The following ZSWIM3 variants were observed in gnomAD, a reference collection of about 807,000 sequenced individuals.
ZSWIM3 encodes zinc finger SWIM domain-containing protein 3.
Under a neutral mutation model 47.5 loss-of-function variants are expected in ZSWIM3, and 27 were observed. The ratio of observed to expected loss-of-function variants is 0.57; its 90% confidence interval spans 0.42 to 0.78. ZSWIM3 has a LOEUF of 0.78. Ranked by LOEUF, ZSWIM3 falls within the 30% of genes least tolerant of loss-of-function variation. ZSWIM3 has a pLI of 0.00. For synonymous variants in ZSWIM3, 333 were observed against 333.9 expected (o/e 1.00, Z 0.03); for missense variants, 689 against 861.3 (o/e 0.80, Z 2.50).
intron 1 of ZSWIM3, among the ~76,000 whole-genome samples, chr20:45,864,778 T>C (rs897945660): frequency 6.6e-6 from 1 of 152,128 alleles, no homozygotes; most frequent in African/African-American, 2.4e-5. Flanking sequence ...GGAGGATCCC[T>C]TGAACCCGAG....
At chr20:45,873,442 A>G (rs1986022141) in intron 1 of ZSWIM3, among the ~76,000 whole-genome samples, 1 of 152,170 alleles carries the variant, frequency 6.6e-6, no homozygotes, top group South Asian at 2.1e-4. Flanking sequence ...ATTGTGTTAG[A>G]GGCTTGGACT....
intron 1 of ZSWIM3, among the ~76,000 whole-genome samples, chr20:45,874,662 G>A (rs1320071662): frequency 6.6e-6 from 1 of 152,188 alleles, no homozygotes; most frequent in Non-Finnish European, 1.5e-5. Flanking sequence ...ATCTGGAGAA[G>A]GAAGAGACAG....
At chr20:45,867,265 C>G (rs529042330) in intron 1 of ZSWIM3, among the ~76,000 whole-genome samples, 7 of 152,046 alleles carry the variant, frequency 4.6e-5, no homozygotes, top group Non-Finnish European at 1.0e-4. Context: ...CCTCAGCCTC[C>G]CAAAGTTCTG....
chr20:45,867,083 T>C (rs1331449613), intron 1 of ZSWIM3, among the ~76,000 whole-genome samples: 1 of 146,970 alleles, frequency 6.8e-6, no homozygotes, highest in Non-Finnish European at 1.5e-5. Context: ...CTCTGCTCAC[T>C]GCAACCTCCG....
Position 45,857,868 on chromosome 20 carries a change from G to C in ZSWIM3, c.43G>C (p.Glu15Gln). Residue 15 changes from glutamate (E) to glutamine (Q), a missense_variant, in exon 1 of 2, where the codon GAG (glutamate) becomes CAG (glutamine). Glu to Gln is a conservative substitution (Grantham distance 29). Coordinates refer to ENST00000255152, the MANE Select transcript of ZSWIM3 (RefSeq NM_080752.4). ...SCFKTYEDFK[E>Q]CFSAYKRENR... ...CTTCAAGACCTATGAGGACTTCAAGGAGTGCTTCAGCGCCTACAAAAGGGA... is the reference window on the plus strand; with the variant it reads ...CTTCAAGACCTATGAGGACTTCAAGCAGTGCTTCAGCGCCTACAAAAGGGA... 1 of 1,614,180 alleles carries C rather than the reference G, an allele frequency of 6.2e-7. No individual in the cohort carries two copies. Among genetic ancestry groups the C allele is most frequent in the Non-Finnish European group, 8.5e-7 (1 of 1,180,028 alleles).
At chr20:45,863,585 A>G (rs1985762819) in intron 1 of ZSWIM3, among the ~76,000 whole-genome samples, 1 of 152,250 alleles carries the variant, frequency 6.6e-6, no homozygotes, top group Non-Finnish European at 1.5e-5. Flanking sequence ...GTTCCCACTA[A>G]ATTAGTTAAT....
intron 1 of ZSWIM3, among the ~76,000 whole-genome samples, chr20:45,867,902 A>G (rs890726954): frequency 3.3e-5 from 5 of 152,202 alleles, no homozygotes; most frequent in Non-Finnish European, 7.3e-5. Context: ...TCTCAATCCT[A>G]CCACACCTTT....
In ZSWIM3 at chr20:45,877,522, T is replaced by A; in HGVS notation, c.964T>A (p.Ser322Thr). The part of the protein sequence containing the change: ...RLLEKKLHRS[S>T]ANPSFKRLMK... The stretch of plus-strand genomic sequence containing the variant: ...CTTGGAGAAGAAGTTGCATCGTAGT[T>A]CAGCAAATCCATCCTTTAAAAGGCT... Residue 322 changes from serine (S) to threonine (T), a missense_variant, in exon 2 of 2, where the codon TCA becomes ACA. Physicochemically the swap from Ser to Thr is moderately conservative, Grantham distance 58 (BLOSUM62 1). Coordinates refer to ENST00000255152, the MANE Select transcript of ZSWIM3 (RefSeq NM_080752.4). The A allele has an allele frequency of 6.2e-7, 1 of 1,614,196 alleles. No individual in the cohort carries two copies. The highest frequency in any genetic ancestry group is 8.5e-7 in the Non-Finnish European group (1 of 1,180,028).
At chr20:45,865,737 C>T (rs1389773102) in intron 1 of ZSWIM3, among the ~76,000 whole-genome samples, 5 of 152,030 alleles carry the variant, frequency 3.3e-5, no homozygotes, top group African/African-American at 1.2e-4. Flanking sequence ...GTGGCTCATG[C>T]TTGTAATCCC....
chr20:45,860,510 C>CAAAAAAA (rs59152975), intron 1 of ZSWIM3, among the ~76,000 whole-genome samples: 3 of 102,636 alleles, frequency 2.9e-5, no homozygotes, highest in South Asian at 3.3e-4. Context: ...GACTCCATCT[C>CAAAAAAA]AAAAAAAAAA....
chr20:45,874,575 A>G (rs1389381871), intron 1 of ZSWIM3, among the ~76,000 whole-genome samples: 1 of 152,212 alleles, frequency 6.6e-6, no homozygotes, highest in Non-Finnish European at 1.5e-5. Context: ...CCCTAGCCCC[A>G]AAACATTCCC....
chr20:45,860,672 G>A (rs547552565), intron 1 of ZSWIM3, among the ~76,000 whole-genome samples: 5 of 152,042 alleles, frequency 3.3e-5, no homozygotes, highest in South Asian at 2.1e-4. Flanking sequence ...CTGTCATCAC[G>A]TCTCTGACTC....
intron 1 of ZSWIM3, chr20:45,872,958 G>A: frequency 8.7e-7 from 1 of 1,151,362 alleles, no homozygotes; most frequent in South Asian, 1.7e-5. Flanking sequence ...AGTGCAGGTG[G>A]AGTTTCTAGG....
At chr20:45,875,251 C>T (rs1986064658) in intron 1 of ZSWIM3, among the ~76,000 whole-genome samples, 2 of 151,866 alleles carry the variant, frequency 1.3e-5, no homozygotes, top group South Asian at 4.1e-4. Context: ...ACTATGTTAG[C>T]CAGAATGGTC....
At chr20:45,875,441 C>T (rs1184047119) in intron 1 of ZSWIM3, among the ~76,000 whole-genome samples, 1 of 151,794 alleles carries the variant, frequency 6.6e-6, no homozygotes, top group Non-Finnish European at 1.5e-5. Context: ...GGATTACAGG[C>T]GTAAGCTATA....
At chr20:45,871,688 A>G (rs1985976452) in intron 1 of ZSWIM3, among the ~76,000 whole-genome samples, 1 of 135,950 alleles carries the variant, frequency 7.4e-6, no homozygotes. Context: ...CATCTCTACT[A>G]AAAAAAAAAA....
intron 1 of ZSWIM3, among the ~76,000 whole-genome samples, chr20:45,862,320 G>A (rs1238150304): frequency 6.6e-6 from 1 of 151,060 alleles, no homozygotes; most frequent in Non-Finnish European, 1.5e-5. Flanking sequence ...GCTAATTTTT[G>A]TATTTTTAGT....
chr20:45,869,356 A>G (rs1488916055), intron 1 of ZSWIM3, among the ~76,000 whole-genome samples: 1 of 151,396 alleles, frequency 6.6e-6, no homozygotes, highest in East Asian at 2.0e-4. Flanking sequence ...TGTCACTACT[A>G]AAAATACAAA....
intron 1 of ZSWIM3, among the ~76,000 whole-genome samples, chr20:45,864,544 A>C (rs1466143886): frequency 6.6e-6 from 1 of 152,258 alleles, no homozygotes; most frequent in Non-Finnish European, 1.5e-5. Flanking sequence ...CTTGATAAGC[A>C]AAGTAAAGCA....
Sources: gnomAD v4.1 joint callset for allele counts (sites outside exome capture counted in the v4.1 genomes callset) on GRCh38, gnomAD v4.1.1 for gene constraint, MANE v1.5 for transcripts, NCBI Gene and HGNC (gene_info 2026-07-23, HGNC 2026-07-21) for gene names.